The following DOCK4 variants were observed in gnomAD, a reference collection of about 807,000 sequenced individuals.
DOCK4 encodes dedicator of cytokinesis 4.
Under a neutral mutation model 268.1 loss-of-function variants are expected in DOCK4, and 97 were observed. The observed-to-expected ratio is 0.36, with a 90% CI of 0.31 to 0.43. The LOEUF (loss-of-function observed/expected upper bound fraction) is 0.43, where lower values mean the gene tolerates loss of function less well. Ranked by LOEUF, DOCK4 falls within the 20% of genes least tolerant of loss-of-function variation. The probability of loss-of-function intolerance (pLI) is 1.00; values close to 1 mark genes in which losing one functional copy is unlikely to be tolerated. For missense variants in DOCK4, 2,145 were observed against 2,455.7 expected (o/e 0.87, Z 2.67); for synonymous variants, 954 against 887.2 (o/e 1.08, Z -1.34).
intron 1 of DOCK4, among the ~76,000 whole-genome samples, chr7:112,181,639 C>CAAAAAAAAAAAAAAAAAAAAAAAAA (rs55807955): frequency 1.5e-5 from 1 of 65,370 alleles, no homozygotes; most frequent in African/African-American, 6.8e-5. Context: ...GACACTGTCT[C>CAAAAAAAAAAAAAAAAAAAAAAAAA]AAAAAAAAAA....
In DOCK4 at chr7:112,157,191, T is replaced by A. The variant is rs529081023; in HGVS notation, c.37+48911A>T. ...TTCTTTCCCGTCATTTGAGAGCAGC[T>A]CACAGTATTGTGGGAGGACAACAGC... On this transcript the variant is annotated intron_variant, in intron 1 of 52. Transcript: ENST00000428084. 5.3e-5 allele frequency among the ~76,000 whole-genome samples: 8 copies of A among 152,250 alleles called. No individual in the cohort carries two copies. In the South Asian group the frequency reaches 1.7e-3, roughly 32 times the overall value.
At chr7:112,123,988 G>A (rs1812986255) in intron 1 of DOCK4, among the ~76,000 whole-genome samples, 1 of 152,074 alleles carries the variant, frequency 6.6e-6, no homozygotes, top group Non-Finnish European at 1.5e-5. Context: ...GTATCATGAG[G>A]ATAGGGTATT....
At chr7:111,950,491 G>T (rs1341626766) in intron 8 of DOCK4, among the ~76,000 whole-genome samples, 1 of 152,264 alleles carries the variant, frequency 6.6e-6, no homozygotes, top group South Asian at 2.1e-4. Flanking sequence ...ATTACATGGT[G>T]AGCAACTAGA....
chr7:112,196,926 G>A (rs531671462), intron 1 of DOCK4, among the ~76,000 whole-genome samples: 1 of 152,118 alleles, frequency 6.6e-6, no homozygotes, highest in South Asian at 2.1e-4. Context: ...CCTGTAGTGA[G>A]AATACTTAAA....
rs1021861815 is a variant in DOCK4 at position 111,840,679 on chromosome 7, C to A, written c.2736+4084G>T. ...GACGCCAGTGCTCATGCTGGTGTGG[C>A]TGGGAGGCTGGGTAACAATCATGGT... On this transcript the variant is annotated intron_variant, in intron 25 of 52. Coordinates refer to ENST00000428084, the MANE Select transcript of DOCK4 (RefSeq NM_001363540.2). 24 of 506,824 alleles carry A rather than the reference C, an allele frequency of 4.7e-5. No individual in the cohort carries two copies. The African/African-American group carries it at 4.9e-4, about 10-fold the overall frequency. 31.4% of individuals were successfully genotyped at this position (506,824 alleles called of 1,614,324 possible).
At chr7:111,876,987 A>AC (rs1330339860) in intron 17 of DOCK4, 43 bp downstream of exon 17, 79 of 1,339,284 alleles carry the variant, frequency 5.9e-5, no homozygotes, top group Non-Finnish European at 7.2e-5. Context: ...AATATACATG[A>AC]TTATTAGGTA....
At chr7:112,076,424 T>G (rs1399449319) in intron 1 of DOCK4, among the ~76,000 whole-genome samples, 2 of 152,132 alleles carry the variant, frequency 1.3e-5, no homozygotes, top group African/African-American at 2.4e-5. Context: ...ATTAAATGGA[T>G]TATTTTAAAA....
chr7:112,195,735 C>T (rs1027772599), intron 1 of DOCK4, among the ~76,000 whole-genome samples: 2 of 151,982 alleles, frequency 1.3e-5, no homozygotes, highest in Non-Finnish European at 2.9e-5. Flanking sequence ...CAAATCTCCA[C>T]GTTTCTGCTT....
At chr7:111,850,745 T>A (rs10225884) in intron 23 of DOCK4, among the ~76,000 whole-genome samples, 15 of 145,068 alleles carry the variant, frequency 1.0e-4, no homozygotes, top group South Asian at 4.8e-4. Flanking sequence ...ACCCCTGCCC[T>A]CAAGAGAACA....
chr7:111,948,344 AG>A (rs1244838895), intron 8 of DOCK4, among the ~76,000 whole-genome samples: 1 of 152,208 alleles, frequency 6.6e-6, no homozygotes, highest in Non-Finnish European at 1.5e-5. Flanking sequence ...GCACTCCATT[AG>A]AATGCTATAA....
At chr7:112,097,338 C>A (rs1810241632) in intron 1 of DOCK4, among the ~76,000 whole-genome samples, 2 of 152,074 alleles carry the variant, frequency 1.3e-5, no homozygotes. Flanking sequence ...CCTTGGGAGG[C>A]CGTGGTGGGA....
chr7:111,836,800 G>C (rs1000268003), intron 25 of DOCK4, among the ~76,000 whole-genome samples: 28 of 151,978 alleles, frequency 1.8e-4, no homozygotes, highest in Non-Finnish European at 2.8e-4. Context: ...TATTGAACTT[G>C]AAAGGTAGGG....
At chr7:111,813,735 T>C (rs1801325460) in intron 27 of DOCK4, among the ~76,000 whole-genome samples, 1 of 152,220 alleles carries the variant, frequency 6.6e-6, no homozygotes. Context: ...AATGATGGTA[T>C]AATGCGGCAA....
intron 1 of DOCK4, among the ~76,000 whole-genome samples, chr7:112,155,978 C>T (rs574145702): frequency 6.6e-6 from 1 of 152,194 alleles, no homozygotes; most frequent in East Asian, 1.9e-4. Flanking sequence ...CATATGTGGA[C>T]AGCAAAATTC....
chr7:111,817,389 C>G lies in DOCK4; in HGVS notation c.2930+4973G>C, dbSNP rs551048369. On this transcript the variant is annotated intron_variant, in intron 27 of 52. Transcript: ENST00000428084. ...ACTCTACCACTCAAGTTTTCAGGGT[C>G]AGTGGCGCATATTCCACCTTCCTTC... is the stretch of plus-strand genomic sequence containing the variant. Among the ~76,000 whole-genome samples the G allele has an allele frequency of 2.7e-4, 41 of 152,294 alleles. No individual in the cohort carries two copies. The East Asian group carries it at 7.5e-3, about 28-fold the overall frequency.
chr7:111,932,386 G>C lies in DOCK4; in HGVS notation c.1066+3154C>G, dbSNP rs77578519. On this transcript the variant is annotated intron_variant, in intron 12 of 52. Transcript: ENST00000428084. ...CTGAGGGCAAATGCAAGCAAATTAA[G>C]GTAACAGGACGCATAGGGAGAAAGA... 0.01 allele frequency among the ~76,000 whole-genome samples: 1,587 copies of C among 152,204 alleles called. 67 individuals are homozygous for C. The East Asian group carries it at 0.15, about 14-fold the overall frequency.
chr7:112,106,612 A>G (rs1002119836), intron 1 of DOCK4, among the ~76,000 whole-genome samples: 10 of 152,238 alleles, frequency 6.6e-5, no homozygotes, highest in South Asian at 6.2e-4. Flanking sequence ...TCACTTCATA[A>G]GTATTCCCAA....
At chr7:112,205,521 A>G (rs1821325934) in intron 1 of DOCK4, among the ~76,000 whole-genome samples, 1 of 152,064 alleles carries the variant, frequency 6.6e-6, no homozygotes, top group South Asian at 2.1e-4. Flanking sequence ...GATCGCAGAG[A>G]GGGAGGAGGG....
intron 31 of DOCK4, 77 bp from the exon 32 acceptor site, chr7:111,788,824 T>C (rs1799347455): frequency 7.8e-7 from 1 of 1,288,636 alleles, no homozygotes; most frequent in Admixed American, 2.0e-5. Flanking sequence ...ACGTATTTCT[T>C]TGTGCCAAGG....
Sources: gnomAD v4.1 joint callset for allele counts (sites outside exome capture counted in the v4.1 genomes callset) on GRCh38, gnomAD v4.1.1 for gene constraint, MANE v1.5 for transcripts, NCBI Gene and HGNC (gene_info 2026-07-23, HGNC 2026-07-21) for gene names.